INVS: variants seen among roughly 807,000 people sequenced by gnomAD.
INVS encodes inversin.
INVS carries 86 observed loss-of-function variants against 108.8 expected under a neutral mutation model. That is an observed-to-expected ratio of 0.79 (90% confidence interval 0.66 to 0.95). The LOEUF is 0.95. Among genes scored for constraint, INVS ranks in the 40% least tolerant of loss-of-function variants. The pLI, the probability that INVS is intolerant of heterozygous loss-of-function variation, is 0.00. For synonymous variants in INVS, 455 were observed against 473.5 expected (o/e 0.96, Z 0.51); for missense variants, 1,169 against 1,297.4 (o/e 0.90, Z 1.52).
chr9:100,171,448 A>C (rs1829538899), intron 3 of INVS, among the ~76,000 whole-genome samples: 2 of 152,100 alleles, frequency 1.3e-5, no homozygotes, highest in Non-Finnish European at 2.9e-5. Context: ...TCACCTAATG[A>C]TACATTTTGC....
At chr9:100,142,788 A>G (rs1261296160) in intron 3 of INVS, among the ~76,000 whole-genome samples, 2 of 152,196 alleles carry the variant, frequency 1.3e-5, no homozygotes, top group Non-Finnish European at 2.9e-5. Flanking sequence ...GCATGCAGAC[A>G]TGAGGGTTGG....
chr9:100,137,187 T>A (rs1270447423), intron 3 of INVS, among the ~76,000 whole-genome samples: 1 of 152,206 alleles, frequency 6.6e-6, no homozygotes, highest in Non-Finnish European at 1.5e-5. Flanking sequence ...TGGAAATTAT[T>A]CTTATTTTAC....
At chr9:100,162,118 G>A (rs1829210589) in intron 3 of INVS, among the ~76,000 whole-genome samples, 1 of 152,134 alleles carries the variant, frequency 6.6e-6, no homozygotes, top group Non-Finnish European at 1.5e-5. Flanking sequence ...TAAGTAACGG[G>A]CTGGTAGCAC....
At chr9:100,228,418 A>G (rs973082700) in intron 4 of INVS, among the ~76,000 whole-genome samples, 34 of 152,356 alleles carry the variant, frequency 2.2e-4, no homozygotes, top group African/African-American at 7.0e-4. Flanking sequence ...TTATATTTAA[A>G]TTAAAATTTG....
At chr9:100,103,392 C>A (rs1461953480) in intron 1 of INVS, among the ~76,000 whole-genome samples, 2 of 151,688 alleles carry the variant, frequency 1.3e-5, no homozygotes, top group African/African-American at 2.4e-5. Context: ...TTTGGGATGC[C>A]AAGGTGGGCA....
intron 3 of INVS, among the ~76,000 whole-genome samples, chr9:100,190,857 TG>T (rs1830198253): frequency 6.6e-6 from 1 of 152,016 alleles, no homozygotes; most frequent in Non-Finnish European, 1.5e-5. Context: ...ATGTCCTTTT[TG>T]TTTTCTTTTT....
intron 11 of INVS, among the ~76,000 whole-genome samples, chr9:100,267,554 C>T (rs1395099936): frequency 6.6e-6 from 1 of 152,216 alleles, no homozygotes; most frequent in Non-Finnish European, 1.5e-5. Flanking sequence ...TTTTACTTCT[C>T]ATACATTGAC....
In INVS at chr9:100,246,597, A is replaced by T. The variant is rs1252153120; in HGVS notation, c.907-19A>T. Reference sequence around the variant, plus strand: ...TACTACTGTTTTGTCTCCATTTTTTAAATCAAGTTTTCTTACAGGAAACGG... The same window carrying T: ...TACTACTGTTTTGTCTCCATTTTTTTAATCAAGTTTTCTTACAGGAAACGG... On this transcript the variant is annotated intron_variant, in intron 7 of 16. Coordinates refer to ENST00000262457, the MANE Select transcript of INVS (RefSeq NM_014425.5). The T allele has an allele frequency of 1.6e-5, 25 of 1,593,828 alleles. No individual in the cohort carries two copies. Among genetic ancestry groups the T allele is most frequent in the Non-Finnish European group, 2.2e-5 (25 of 1,162,248 alleles).
At chr9:100,100,992 GTA>G (rs1437656110) in intron 1 of INVS, among the ~76,000 whole-genome samples, 4 of 68,474 alleles carry the variant, frequency 5.8e-5, no homozygotes, top group Admixed American at 2.5e-4. Flanking sequence ...TAATATATAT[GTA>G]TATATAATAT....
intron 13 of INVS, among the ~76,000 whole-genome samples, chr9:100,288,752 C>T (rs1017530675): frequency 3.3e-5 from 5 of 151,996 alleles, no homozygotes; most frequent in Admixed American, 1.3e-4. Context: ...TCCCGGGTGG[C>T]TAGGACCATA....
chr9:100,194,274 A>G (rs765248306), intron 3 of INVS, among the ~76,000 whole-genome samples: 5 of 152,208 alleles, frequency 3.3e-5, no homozygotes, highest in Non-Finnish European at 7.3e-5. Flanking sequence ...GCCATTCTAA[A>G]TAAAGCCATT....
At chr9:100,286,137 A>G (rs1833433841) in intron 13 of INVS, among the ~76,000 whole-genome samples, 1 of 152,238 alleles carries the variant, frequency 6.6e-6, no homozygotes, top group Non-Finnish European at 1.5e-5. Context: ...CAAGGTAGCT[A>G]TGGATAGAAA....
chr9:100,235,315 T>C (rs1299220581), intron 5 of INVS, among the ~76,000 whole-genome samples: 1 of 152,226 alleles, frequency 6.6e-6, no homozygotes, highest in Non-Finnish European at 1.5e-5. Context: ...CTTGACTCTT[T>C]ATCCAATTTG....
At chr9:100,264,795 G>A (rs771098208) in intron 10 of INVS, 27 bp from the exon 11 acceptor site, 7 of 1,425,396 alleles carry the variant, frequency 4.9e-6, no homozygotes, top group African/African-American at 1.4e-5. Context: ...TACTCCAGAT[G>A]TACTTGATTT....
At chr9:100,145,353 T>G (rs1828567454) in intron 3 of INVS, among the ~76,000 whole-genome samples, 1 of 150,106 alleles carries the variant, frequency 6.7e-6, no homozygotes, top group Admixed American at 6.6e-5. Context: ...GGCGCAGAGA[T>G]AAGAGGTTGG....
intron 8 of INVS, among the ~76,000 whole-genome samples, chr9:100,248,044 C>T (rs945288570): frequency 6.6e-6 from 1 of 152,110 alleles, no homozygotes; most frequent in South Asian, 2.1e-4. Context: ...TCTCGAACTT[C>T]TGAGCTCAAG....
At position 100,100,955 on chromosome 9, in the gene INVS, T is replaced by A. The variant is rs1241555509; in HGVS notation, c.-25+1539T>A. Among the ~76,000 whole-genome samples, 74 of 31,814 alleles carry A rather than the reference T, an allele frequency of 2.3e-3. 1 individual carries two copies. Among genetic ancestry groups the A allele is most frequent in the African/African-American group, 0.01 (63 of 6,002 alleles). The allele number at this position is 31,814 out of a possible 152,430, so 20.9% of individuals were successfully genotyped here. On this transcript the variant is annotated intron_variant, in intron 1 of 16. Transcript: ENST00000262457. ...TATATATAATATATATACATATATA[T>A]TATATATATAATATATATTATATAT...
Position 100,255,086 on chromosome 9 carries a change from A to G in INVS, c.1464+1950A>G, listed in dbSNP as rs542360538. ...CTTCCATTTGTTTGTGTCCTCTTTT[A>G]TTTCATTGAGCAGTGGTTTGTAGTT... is the stretch of plus-strand genomic sequence containing the variant. On this transcript the variant is annotated intron_variant, in intron 10 of 16. Transcript: ENST00000262457. Among the ~76,000 whole-genome samples the G allele has an allele frequency of 1.8e-4, 28 of 152,128 alleles. No individual in the cohort carries two copies. The South Asian group carries it at 3.9e-3, about 21-fold the overall frequency.
intron 4 of INVS, among the ~76,000 whole-genome samples, chr9:100,226,947 G>C (rs1041278906): frequency 1.3e-5 from 2 of 152,082 alleles, no homozygotes; most frequent in Non-Finnish European, 2.9e-5. Flanking sequence ...TAAATGCTTA[G>C]TGGTTTAGTG....
Sources: allele counts gnomAD v4.1 joint callset (sites outside exome capture counted in the v4.1 genomes callset), GRCh38; gene constraint gnomAD v4.1.1; transcripts MANE v1.5; gene names NCBI Gene and HGNC (gene_info 2026-07-23, HGNC 2026-07-21).